The following UBE2R2 variants were observed in gnomAD, a reference collection of about 807,000 sequenced individuals.
The protein encoded by UBE2R2 is ubiquitin conjugating enzyme E2 R2.
A neutral mutation model predicts 27.8 loss-of-function variants in UBE2R2; 1 was observed. The ratio of observed to expected loss-of-function variants is 0.04; its 90% confidence interval spans 0.01 to 0.17. The LOEUF (loss-of-function observed/expected upper bound fraction) is 0.17. Among genes scored for constraint, UBE2R2 ranks in the 10% least tolerant of loss-of-function variants. The pLI, the probability that UBE2R2 is intolerant of heterozygous loss-of-function variation, is 1.00. For missense variants in UBE2R2, 100 were observed against 291.0 expected, an observed-to-expected ratio of 0.34 and a Z score of 4.78; for synonymous variants, 106 against 113.3, an observed-to-expected ratio of 0.94 and a Z score of 0.41.
chr9:33,849,748 C>G (rs559218830), intron 1 of UBE2R2, among the ~76,000 whole-genome samples: 3 of 151,138 alleles, frequency 2.0e-5, no homozygotes, highest in Non-Finnish European at 4.4e-5. Context: ...TTCCAGCTGC[C>G]TAGGAGGCTG....
chr9:33,901,076 C>T (rs182279217), intron 3 of UBE2R2, among the ~76,000 whole-genome samples: 13 of 152,282 alleles, frequency 8.5e-5, no homozygotes, highest in African/African-American at 1.9e-4. Context: ...TCACCTCAGC[C>T]TCCCAAGTAG....
At chr9:33,891,647 CAAAAAATAAATA>C (rs1441085463) in intron 2 of UBE2R2, among the ~76,000 whole-genome samples, 1 of 151,764 alleles carries the variant, frequency 6.6e-6, no homozygotes, top group Non-Finnish European at 1.5e-5. Flanking sequence ...ACTCCTGTCT[CAAAAAATAAATA>C]AATAAATAAA....
intron 1 of UBE2R2, among the ~76,000 whole-genome samples, chr9:33,865,821 G>C (rs1821348851): frequency 6.7e-6 from 1 of 148,186 alleles, no homozygotes; most frequent in African/African-American, 2.5e-5. Context: ...TAGTTTTTTT[G>C]TGTGTTTTTT....
intron 2 of UBE2R2, among the ~76,000 whole-genome samples, chr9:33,893,793 A>C (rs1285374447): frequency 6.6e-6 from 1 of 151,962 alleles, no homozygotes; most frequent in Non-Finnish European, 1.5e-5. Context: ...CACCACGCCC[A>C]GCTATTTTTT....
intron 2 of UBE2R2, among the ~76,000 whole-genome samples, chr9:33,899,972 A>G (rs1822210764): frequency 2.0e-5 from 3 of 152,222 alleles, no homozygotes; most frequent in Admixed American, 2.0e-4. Context: ...TCACTAGAAA[A>G]TATACCTTGG....
intron 1 of UBE2R2, chr9:33,831,096 AAGAAT>A (rs1421941507): frequency 7.0e-6 from 1 of 143,162 alleles, no homozygotes. Flanking sequence ...AAAAAAAAAA[AAGAAT>A]AGGTAAAGTT....
At chr9:33,852,060 C>T (rs1820980212) in intron 1 of UBE2R2, among the ~76,000 whole-genome samples, 1 of 151,668 alleles carries the variant, frequency 6.6e-6, no homozygotes, top group African/African-American at 2.4e-5. Flanking sequence ...GCCTGTAATC[C>T]CAGCACTTTG....
chr9:33,900,361 G>A, intron 3 of UBE2R2, 90 bp downstream of exon 3: 1 of 907,046 alleles, frequency 1.1e-6, no homozygotes, highest in South Asian at 1.6e-5. Flanking sequence ...CTTTTAACAT[G>A]TAAAAAATCA....
At chr9:33,875,414 A>G (rs1256999879) in intron 1 of UBE2R2, among the ~76,000 whole-genome samples, 1 of 152,178 alleles carries the variant, frequency 6.6e-6, no homozygotes, top group Non-Finnish European at 1.5e-5. Context: ...CCTCAATACA[A>G]TGATAATGAT....
At chr9:33,866,334 G>A (rs955088713) in intron 1 of UBE2R2, among the ~76,000 whole-genome samples, 11 of 151,324 alleles carry the variant, frequency 7.3e-5, no homozygotes, top group African/African-American at 2.7e-4. Flanking sequence ...CACCTCCCAG[G>A]TTCAAGCAGT....
intron 3 of UBE2R2, among the ~76,000 whole-genome samples, chr9:33,908,290 G>A (rs912266344): frequency 2.0e-5 from 3 of 152,094 alleles, no homozygotes; most frequent in African/African-American, 7.2e-5. Flanking sequence ...TTCCCACCAG[G>A]CTTCTGATTG....
chr9:33,818,868 T>C (rs1381566991), intron 1 of UBE2R2: 1 of 152,224 alleles, frequency 6.6e-6, no homozygotes, highest in Admixed American at 6.5e-5. Context: ...GTGGGATGTA[T>C]GGTTCCTTAG....
At chr9:33,855,773 A>T (rs1821087239) in intron 1 of UBE2R2, among the ~76,000 whole-genome samples, 1 of 152,232 alleles carries the variant, frequency 6.6e-6, no homozygotes, top group Non-Finnish European at 1.5e-5. Flanking sequence ...GTCAGCCTGC[A>T]TCTGTTTTCA....
At chr9:33,849,894 A>G (rs1489700495) in intron 1 of UBE2R2, among the ~76,000 whole-genome samples, 2 of 151,488 alleles carry the variant, frequency 1.3e-5, no homozygotes, top group Admixed American at 6.6e-5. Flanking sequence ...TGAGACAAGT[A>G]CCACTGACCC....
intron 1 of UBE2R2, among the ~76,000 whole-genome samples, chr9:33,852,064 C>G (rs1820980341): frequency 6.6e-6 from 1 of 152,070 alleles, no homozygotes; most frequent in African/African-American, 2.4e-5. Flanking sequence ...GTAATCCCAG[C>G]ACTTTGGGAG....
At chr9:33,865,168 TTCTG>T (rs931992984) in intron 1 of UBE2R2, among the ~76,000 whole-genome samples, 4 of 151,514 alleles carry the variant, frequency 2.6e-5, no homozygotes, top group African/African-American at 9.7e-5. Flanking sequence ...CTTACTTCCT[TTCTG>T]TCTGTCTCTC....
chr9:33,831,876 G>A (rs1406536806), intron 1 of UBE2R2, among the ~76,000 whole-genome samples: 4 of 151,692 alleles, frequency 2.6e-5, no homozygotes, highest in African/African-American at 9.7e-5. Flanking sequence ...GATCAGGCTG[G>A]TCTCAAACTC....
chr9:33,879,034 A>C (rs1328579245), intron 1 of UBE2R2, among the ~76,000 whole-genome samples: 2 of 152,088 alleles, frequency 1.3e-5, no homozygotes, highest in African/African-American at 4.8e-5. Flanking sequence ...TTGAGCCCAG[A>C]AGTTTGAGAC....
chr9:33,853,994 C>T (rs1215577511), intron 1 of UBE2R2, among the ~76,000 whole-genome samples: 1 of 152,114 alleles, frequency 6.6e-6, no homozygotes, highest in Non-Finnish European at 1.5e-5. Context: ...CTGCACCCGT[C>T]CCCTAATGGT....
Sources: gnomAD v4.1 joint callset for allele counts (sites outside exome capture counted in the v4.1 genomes callset) on GRCh38, gnomAD v4.1.1 for gene constraint, MANE v1.5 for transcripts, NCBI Gene and HGNC (gene_info 2026-07-23, HGNC 2026-07-21) for gene names.